FMN1: variants seen among roughly 807,000 people sequenced by gnomAD.
FMN1 encodes formin 1.
A neutral mutation model predicts 132.4 loss-of-function variants in FMN1; 110 were observed. The ratio of observed to expected loss-of-function variants is 0.83; its 90% CI spans 0.71 to 0.97. The LOEUF (loss-of-function observed/expected upper bound fraction) is 0.97. Ranked by LOEUF, FMN1 falls within the 50% of genes least tolerant of loss-of-function variation. The probability of loss-of-function intolerance (pLI) is 0.00; values close to 1 mark genes in which losing one functional copy is unlikely to be tolerated. For missense variants in FMN1, 1,792 were observed against 1,705.3 expected (o/e 1.05, Z -0.90); for synonymous variants, 722 against 651.7 (o/e 1.11, Z -1.64).
intron 9 of FMN1, among the ~76,000 whole-genome samples, chr15:32,963,623 C>G (rs1383582177): frequency 6.6e-6 from 1 of 152,066 alleles, no homozygotes; most frequent in Non-Finnish European, 1.5e-5. Flanking sequence ...GAACAAATGC[C>G]TAGCATGGTA....
intron 6 of FMN1, among the ~76,000 whole-genome samples, chr15:33,062,120 T>C (rs534259731): frequency 2.4e-4 from 36 of 152,232 alleles, no homozygotes; most frequent in African/African-American, 8.2e-4. Context: ...TTTTTAGGGA[T>C]AGGTATTTAG....
At chr15:32,967,179 TA>T (rs1206796885) in intron 8 of FMN1, among the ~76,000 whole-genome samples, 1 of 152,214 alleles carries the variant, frequency 6.6e-6, no homozygotes, top group Non-Finnish European at 1.5e-5. Context: ...AACGGCCAAC[TA>T]AATGAGGAGG....
intron 11 of FMN1, among the ~76,000 whole-genome samples, chr15:32,909,575 T>C (rs1031741324): frequency 6.6e-6 from 1 of 152,196 alleles, no homozygotes; most frequent in Non-Finnish European, 1.5e-5. Context: ...GGGACATAAA[T>C]ATGAAACGAA....
chr15:32,932,698 T>A (rs999692064), intron 9 of FMN1, among the ~76,000 whole-genome samples: 30 of 152,200 alleles, frequency 2.0e-4, no homozygotes, highest in Non-Finnish European at 2.9e-4. Flanking sequence ...CTGTTCAGAT[T>A]TTCCACTTCA....
chr15:32,900,064 T>A lies in FMN1; in HGVS notation c.3569A>T (p.Tyr1190Phe). 6.2e-7 allele frequency: 1 copy of A among 1,613,904 alleles called. No individual in the cohort carries two copies. The highest frequency in any genetic ancestry group is 8.5e-7 in the Non-Finnish European group (1 of 1,179,848). The change falls in exon 14 of 21, where the codon TAT becomes TTT. Residue 1190 changes from tyrosine (Y) to phenylalanine (F), a missense_variant. Physicochemically the swap from Tyr to Phe is conservative, Grantham distance 22. Coordinates refer to ENST00000616417, the MANE Select transcript of FMN1 (RefSeq NM_001277313.2). ...ILALILAFGNYMNGGNRTRGQ... is the reference protein window; with the variant it reads ...ILALILAFGNFMNGGNRTRGQ... Reference sequence around the variant, plus strand: ...CCGAGTCCTATTTCCTCCATTCATATAATTTCCAAAAGCCAAGATGAGAGC... The same window carrying A: ...CCGAGTCCTATTTCCTCCATTCATAAAATTTCCAAAAGCCAAGATGAGAGC...
chr15:33,145,368 C>T (rs762394356), intron 4 of FMN1, among the ~76,000 whole-genome samples: 6 of 151,716 alleles, frequency 4.0e-5, no homozygotes, highest in Admixed American at 2.0e-4. Flanking sequence ...CCTTTCACAC[C>T]GTGCTTCCAT....
intron 7 of FMN1, among the ~76,000 whole-genome samples, chr15:32,977,023 A>G (rs1205566762): frequency 6.6e-6 from 1 of 152,190 alleles, no homozygotes; most frequent in African/African-American, 2.4e-5. Flanking sequence ...CTGATATAAA[A>G]ATTTATGCTC....
At chr15:33,173,539 C>A (rs1409889817) in intron 3 of FMN1, among the ~76,000 whole-genome samples, 1 of 152,182 alleles carries the variant, frequency 6.6e-6, no homozygotes, top group Non-Finnish European at 1.5e-5. Flanking sequence ...CAGCATAGCA[C>A]CATTTTAATG....
intron 6 of FMN1, among the ~76,000 whole-genome samples, chr15:33,025,405 T>C (rs2035619651): frequency 6.6e-6 from 1 of 152,164 alleles, no homozygotes; most frequent in African/African-American, 2.4e-5. Context: ...AATATATCAC[T>C]GACATATTTG....
Position 32,798,954 on chromosome 15 carries a change from C to G in FMN1, c.3981-1G>C. Reference sequence around the variant, plus strand: ...AAAATATCGTACTGTTGTTTCAAAACTGCAACAGGTAGGGGGGAAAATGGA... The same window carrying G: ...AAAATATCGTACTGTTGTTTCAAAAGTGCAACAGGTAGGGGGGAAAATGGA... On this transcript the variant is annotated splice_acceptor_variant, in intron 18 of 20. Transcript: ENST00000616417. LOFTEE classifies it high-confidence loss of function. The G allele has an allele frequency of 6.2e-7, 1 of 1,612,574 alleles. No homozygotes were observed. The highest frequency in any genetic ancestry group is 8.5e-7 in the Non-Finnish European group (1 of 1,179,462).
intron 7 of FMN1, among the ~76,000 whole-genome samples, chr15:32,984,885 T>C (rs1235044010): frequency 2.0e-5 from 3 of 151,032 alleles, no homozygotes; most frequent in Non-Finnish European, 4.4e-5. Flanking sequence ...TTGCAAGCAA[T>C]TTTTTAACAT....
At chr15:33,067,665 A>T (rs1159306511) in intron 5 of FMN1, 9 of 1,613,898 alleles carry the variant, frequency 5.6e-6, no homozygotes, top group Non-Finnish European at 6.8e-6. Context: ...CCATTGCTGG[A>T]ATCATCCTGC....
At chr15:33,069,816 T>C (rs1248640360) in intron 5 of FMN1, among the ~76,000 whole-genome samples, 1 of 152,132 alleles carries the variant, frequency 6.6e-6, no homozygotes, top group East Asian at 1.9e-4. Flanking sequence ...AATTATTAAC[T>C]GAGGCACTTA....
At chr15:33,069,220 C>CT (rs2037889210) in intron 5 of FMN1, among the ~76,000 whole-genome samples, 1 of 152,200 alleles carries the variant, frequency 6.6e-6, no homozygotes, top group African/African-American at 2.4e-5. Context: ...TGCTGGGAAA[C>CT]TGGCAACAAA....
chr15:33,058,791 C>A (rs2037350648), intron 6 of FMN1, among the ~76,000 whole-genome samples: 2 of 152,112 alleles, frequency 1.3e-5, no homozygotes, highest in South Asian at 4.1e-4. Context: ...AGTTGTATAC[C>A]TTTACGGGGT....
At chr15:33,096,348 C>T (rs1464246003) in intron 4 of FMN1, among the ~76,000 whole-genome samples, 1 of 152,176 alleles carries the variant, frequency 6.6e-6, no homozygotes, top group Admixed American at 6.5e-5. Flanking sequence ...ATAACCTTTG[C>T]CCTTCTAACC....
rs143975963 is a variant in FMN1 at position 33,162,594 on chromosome 15, G to A, written c.-131-7549C>T. Among the ~76,000 whole-genome samples the A allele has an allele frequency of 5.1e-3, 783 of 152,288 alleles. 2 individuals are homozygous for A. Among genetic ancestry groups the A allele is most frequent in the Middle Eastern group, 0.014 (4 of 294 alleles). On this transcript the variant is annotated intron_variant, in intron 3 of 20. Transcript: ENST00000616417. ...ACGTAATACAGGACTGAGAAAACAAGGATTTTAATCAGGTTGGTAGGATAT... is the reference window on the plus strand; with the variant it reads ...ACGTAATACAGGACTGAGAAAACAAAGATTTTAATCAGGTTGGTAGGATAT...
intron 6 of FMN1, among the ~76,000 whole-genome samples, chr15:33,017,959 G>C (rs1596479220): frequency 6.6e-6 from 1 of 152,084 alleles, no homozygotes; most frequent in Non-Finnish European, 1.5e-5. Flanking sequence ...CAGCTACTCG[G>C]GGGGCAGAGG....
intron 10 of FMN1, among the ~76,000 whole-genome samples, chr15:32,911,256 T>G (rs1174701785): frequency 2.0e-5 from 3 of 152,232 alleles, no homozygotes; most frequent in Non-Finnish European, 4.4e-5. Context: ...CTTAAAATCC[T>G]TAATGGATTT....
Sources: allele counts gnomAD v4.1 joint callset (sites outside exome capture counted in the v4.1 genomes callset), GRCh38; gene constraint gnomAD v4.1.1; transcripts MANE v1.5; gene names NCBI Gene and HGNC (gene_info 2026-07-23, HGNC 2026-07-21).